Variants in UBE3B observed in about 807,000 individuals in gnomAD.
The protein encoded by UBE3B is ubiquitin-protein ligase E3B.
A neutral mutation model predicts 132.3 loss-of-function variants in UBE3B; 80 were observed. The ratio of observed to expected loss-of-function variants is 0.60; its 90% CI spans 0.50 to 0.73. UBE3B has a LOEUF of 0.73. UBE3B is among the 30% of genes least tolerant of loss of function. UBE3B has a pLI of 0.00. For missense variants in UBE3B, 1,196 were observed against 1,362.5 expected (o/e 0.88, Z 1.92); for synonymous variants, 487 against 520.4 (o/e 0.94, Z 0.87).
At chr12:109,495,950 T>C (rs1233329190) in intron 9 of UBE3B, among the ~76,000 whole-genome samples, 1 of 152,206 alleles carries the variant, frequency 6.6e-6, no homozygotes, top group African/African-American at 2.4e-5. Flanking sequence ...TTATGGCCAG[T>C]TTTGGGGCCA....
At chr12:109,502,134 A>G (rs1352881565) in intron 13 of UBE3B, among the ~76,000 whole-genome samples, 2 of 152,232 alleles carry the variant, frequency 1.3e-5, no homozygotes, top group Non-Finnish European at 2.9e-5. Flanking sequence ...CATTAGGGCC[A>G]CTGTGGCTAC....
Position 109,534,993 on chromosome 12 carries a change from C to G in UBE3B, c.*211C>G. 2.5e-6 allele frequency: 1 copy of G among 404,502 alleles called. No individual in the cohort carries two copies. Among genetic ancestry groups the G allele is most frequent in the East Asian group, 3.6e-5 (1 of 27,708 alleles). 25.1% of individuals were successfully genotyped at this position (404,502 alleles called of 1,614,324 possible). On this transcript the variant is annotated 3_prime_UTR_variant, in exon 28 of 28. Coordinates refer to ENST00000342494, the MANE Select transcript of UBE3B (RefSeq NM_130466.4). This position sits in a 1 kb window ranked among gnomAD's most constrained non-coding sequence, Gnocchi z 5.2. ...TCCAGGTGATGCCCAAGGCACAGGGCTGCAGAAAATAAACCTCCAGATTCC... is the reference window on the plus strand; with the variant it reads ...TCCAGGTGATGCCCAAGGCACAGGGGTGCAGAAAATAAACCTCCAGATTCC...
At position 109,519,251 on chromosome 12, in the gene UBE3B, C is replaced by T. The variant is rs578147674; in HGVS notation, c.2077-1897C>T. 3.9e-5 allele frequency among the ~76,000 whole-genome samples: 6 copies of T among 152,334 alleles called. No homozygotes were observed. The East Asian group carries it at 9.7e-4, about 25-fold the overall frequency. Reference sequence around the variant, plus strand: ...GGCCTGGAAGCCAGGCATCCCTTTTCTAGCTCAGTATTCCCTGTGTGTGCA... The same window carrying T: ...GGCCTGGAAGCCAGGCATCCCTTTTTTAGCTCAGTATTCCCTGTGTGTGCA... On this transcript the variant is annotated intron_variant, in intron 19 of 27. Transcript: ENST00000342494.
chr12:109,534,832 A>T lies in UBE3B; in HGVS notation c.*50A>T. ...GGCTCCTGGGCTGCCAGGGACCTTC[A>T]GCTCCCAGAGGCAGTGTGGTCCTGG... On this transcript the variant is annotated 3_prime_UTR_variant, in exon 28 of 28. Coordinates refer to ENST00000342494, the MANE Select transcript of UBE3B (RefSeq NM_130466.4). This position sits in a 1 kb window ranked among gnomAD's most constrained non-coding sequence, Gnocchi z 5.2. 1 of 1,433,090 alleles carries T rather than the reference A, an allele frequency of 7.0e-7. No homozygotes were observed. The highest frequency in any genetic ancestry group is 9.3e-7 in the Non-Finnish European group (1 of 1,072,404). The allele number at this position is 1,433,090 out of a possible 1,614,324, so 88.8% of individuals were successfully genotyped here.
In UBE3B at chr12:109,534,017, C is replaced by CG; in HGVS notation, c.3015+461dup. 7.7e-7 allele frequency: 1 copy of CG among 1,295,110 alleles called. No homozygotes were observed. Among genetic ancestry groups the CG allele is most frequent in the Non-Finnish European group, 1.0e-6 (1 of 993,096 alleles). 80.2% of individuals were successfully genotyped at this position (1,295,110 alleles called of 1,614,324 possible). The stretch of plus-strand genomic sequence containing the variant: ...AGGAGAAGGAAAGCCTTCAGGGTTA[C>CG]GGAGCTCTGTGTGTCTCAAGCCTGG... On this transcript the variant is annotated intron_variant, in intron 27 of 27. Coordinates refer to ENST00000342494, the MANE Select transcript of UBE3B (RefSeq NM_130466.4). The surrounding 1 kb of genome is among the most constrained non-coding windows in gnomAD (Gnocchi z 5.2).
intron 9 of UBE3B, 27 bp downstream of exon 9, chr12:109,491,154 T>C (rs1296337122): frequency 6.2e-7 from 1 of 1,608,464 alleles, no homozygotes; most frequent in Non-Finnish European, 8.5e-7. Context: ...AGCTGAGGTG[T>C]TGGCATGTTC....
chr12:109,492,066 C>G (rs957473885), intron 9 of UBE3B: 5 of 152,224 alleles, frequency 3.3e-5, no homozygotes, highest in African/African-American at 1.2e-4. Flanking sequence ...CATACAGCCT[C>G]TGTCACAACC....
Position 109,522,702 on chromosome 12 carries a change from A to G in UBE3B, c.2364+1151A>G, listed in dbSNP as rs887052421. Among the ~76,000 whole-genome samples, 2 of 152,260 alleles carry G rather than the reference A, an allele frequency of 1.3e-5. No homozygotes were observed. Among genetic ancestry groups the G allele is most frequent in the African/African-American group, 4.8e-5 (2 of 41,552 alleles). On this transcript the variant is annotated intron_variant, in intron 21 of 27. Coordinates refer to ENST00000342494, the MANE Select transcript of UBE3B (RefSeq NM_130466.4). The surrounding 1 kb of genome is among the most constrained non-coding windows in gnomAD (Gnocchi z 4.2). ...TGTTCTCTCTGTCTGGAAACAGTCT[A>G]TGTGCACCGGCCTCAGTCCCTGGCC...
chr12:109,510,735 T>C (rs1880272518), intron 17 of UBE3B, among the ~76,000 whole-genome samples: 1 of 152,256 alleles, frequency 6.6e-6, no homozygotes, highest in South Asian at 2.1e-4. Flanking sequence ...AAGAGGTCTT[T>C]TAGCTGAGCT....
intron 18 of UBE3B, among the ~76,000 whole-genome samples, chr12:109,515,842 A>G (rs1194075608): frequency 3.3e-5 from 5 of 152,150 alleles, no homozygotes; most frequent in Non-Finnish European, 7.3e-5. Flanking sequence ...CTTTCTAAAT[A>G]GGTTTAGCAG....
chr12:109,526,181 A>C, intron 23 of UBE3B, among the ~76,000 whole-genome samples, 177 bp from the exon 24 acceptor site: 1 of 152,200 alleles, frequency 6.6e-6, no homozygotes, highest in East Asian at 1.9e-4. Context: ...TTGATCATGC[A>C]GGGTCTGCTT....
At chr12:109,506,589 G>A (rs1321001754) in intron 14 of UBE3B, among the ~76,000 whole-genome samples, 1 of 152,210 alleles carries the variant, frequency 6.6e-6, no homozygotes, top group Non-Finnish European at 1.5e-5. Context: ...GACCTCAGAT[G>A]ATCCACCCGC....
chr12:109,534,336 A>C lies in UBE3B; in HGVS notation c.3016-255A>C. On this transcript the variant is annotated intron_variant, in intron 27 of 27. Transcript: ENST00000342494. The surrounding 1 kb of genome is among the most constrained non-coding windows in gnomAD (Gnocchi z 5.2). ...AACCAGTAATTCGCTGTGAACCGGA[A>C]GGCCCCATTTCCAAAAGCTTACTTA... is the stretch of plus-strand genomic sequence containing the variant. The C allele has an allele frequency of 7.1e-7, 1 of 1,410,810 alleles. No homozygotes were observed. The highest frequency in any genetic ancestry group is 3.1e-5 in the Admixed American group (1 of 32,472). The allele number at this position is 1,410,810 out of a possible 1,614,324, so 87.4% of individuals were successfully genotyped here. A position where few individuals can be genotyped will look rare whatever the true frequency, so the allele number is the denominator to read the frequency against.
chr12:109,542,915 A>G, the UBE3B span, among the ~76,000 whole-genome samples: 2 of 152,208 alleles, frequency 1.3e-5, no homozygotes, highest in African/African-American at 4.8e-5. Context: ...TTTTGAGACC[A>G]GACAGATTTG....
At chr12:109,483,224 A>T (rs1205138305) in intron 2 of UBE3B, among the ~76,000 whole-genome samples, 1 of 152,190 alleles carries the variant, frequency 6.6e-6, no homozygotes, top group Non-Finnish European at 1.5e-5. Flanking sequence ...GGTGGGACTG[A>T]TTCATTCTTT....
chr12:109,508,449 T>C, intron 15 of UBE3B: 1 of 910,324 alleles, frequency 1.1e-6, no homozygotes, highest in Non-Finnish European at 1.3e-6. Context: ...TAACAAACAT[T>C]AGTCCCATTT....
chr12:109,508,729 G>T, intron 15 of UBE3B: 1 of 985,502 alleles, frequency 1.0e-6, no homozygotes, highest in Non-Finnish European at 1.2e-6. Context: ...GGTAAGCCAA[G>T]AGTGAATCTT....
chr12:109,502,657 A>G (rs909426317), intron 13 of UBE3B, among the ~76,000 whole-genome samples: 1 of 152,150 alleles, frequency 6.6e-6, no homozygotes, highest in Non-Finnish European at 1.5e-5. Flanking sequence ...AGGCACAGAA[A>G]ATAGAGATGT....
intron 14 of UBE3B, among the ~76,000 whole-genome samples, chr12:109,505,395 G>A (rs1313459177): frequency 6.6e-6 from 1 of 152,216 alleles, no homozygotes. Flanking sequence ...ATCAGTGTGT[G>A]ATGCTATGAG....
Sources: gnomAD v4.1 joint callset for allele counts (sites outside exome capture counted in the v4.1 genomes callset) on GRCh38, gnomAD v4.1.1 for gene constraint, Gnocchi (gnomAD v3.1) non-coding constraint, MANE v1.5 for transcripts, NCBI Gene and HGNC (gene_info 2026-07-23, HGNC 2026-07-21) for gene names.